TTC27: variants seen among roughly 807,000 people sequenced by gnomAD.
The protein encoded by TTC27 is tetratricopeptide repeat domain 27.
In TTC27, 79 loss-of-function variants were observed where a neutral mutation model predicts 115.9. That is an observed-to-expected ratio of 0.68 (90% CI 0.57 to 0.82). The LOEUF is 0.82. Ranked by LOEUF, TTC27 falls within the 40% of genes least tolerant of loss-of-function variation. The pLI is 0.00. For missense variants in TTC27, 1,054 were observed against 993.1 expected (o/e 1.06, Z -0.82); for synonymous variants, 401 against 356.0 (o/e 1.13, Z -1.42).
chr2:32,658,929 A>G (rs140602511), intron 5 of TTC27, among the ~76,000 whole-genome samples: 4 of 152,106 alleles, frequency 2.6e-5, no homozygotes, highest in African/African-American at 9.7e-5. Flanking sequence ...TTTGATGTTC[A>G]TATTGTATTA....
intron 16 of TTC27, among the ~76,000 whole-genome samples, chr2:32,798,686 C>T (rs1670805900): frequency 7.6e-6 from 1 of 132,220 alleles, no homozygotes; most frequent in Non-Finnish European, 1.5e-5. Context: ...GCCTGGGCAA[C>T]AGAGCGAGAC....
At chr2:32,817,224 C>T (rs1184382301) in intron 18 of TTC27, among the ~76,000 whole-genome samples, 6 of 149,500 alleles carry the variant, frequency 4.0e-5, no homozygotes, top group South Asian at 2.1e-4. Flanking sequence ...CCAGACTGAG[C>T]GACAGGGTGA....
chr2:32,748,476 C>A (rs993027835), intron 12 of TTC27, among the ~76,000 whole-genome samples: 1 of 152,120 alleles, frequency 6.6e-6, no homozygotes, highest in Admixed American at 6.5e-5. Flanking sequence ...TGTCTACTTA[C>A]ATCTTTTGTG....
rs562481906 is a variant in TTC27 at position 32,817,815 on chromosome 2, G to A, written c.2409+258G>A. ...TCATGCCTGTAATCCCAGCACTTTG[G>A]GAGGCCAAGGCAGGCAGATCATTTG... is the stretch of plus-strand genomic sequence containing the variant. On this transcript the variant is annotated intron_variant, in intron 19 of 19. Transcript: ENST00000317907. Among the ~76,000 whole-genome samples, 285 of 152,270 alleles carry A rather than the reference G, an allele frequency of 1.9e-3. 2 individuals are homozygous for A. The highest frequency in any genetic ancestry group is 6.6e-3 in the African/African-American group (276 of 41,554).
intron 8 of TTC27, among the ~76,000 whole-genome samples, chr2:32,677,536 G>A (rs551896663): frequency 2.0e-5 from 3 of 151,934 alleles, no homozygotes; most frequent in African/African-American, 4.8e-5. Context: ...TGCAACCTCC[G>A]CCTCACAAGT....
chr2:32,719,113 G>A (rs1334684601), intron 10 of TTC27, among the ~76,000 whole-genome samples: 1 of 152,164 alleles, frequency 6.6e-6, no homozygotes, highest in Non-Finnish European at 1.5e-5. Context: ...TCAGTATGGT[G>A]TCTGAAGCAT....
chr2:32,641,699 A>G (rs905105154), intron 4 of TTC27, among the ~76,000 whole-genome samples: 2 of 151,524 alleles, frequency 1.3e-5, no homozygotes, highest in African/African-American at 4.9e-5. Flanking sequence ...TTTTTTCGAG[A>G]TGGAGTTTCA....
chr2:32,675,022 T>G (rs913548141), intron 8 of TTC27, among the ~76,000 whole-genome samples: 3 of 152,168 alleles, frequency 2.0e-5, no homozygotes, highest in African/African-American at 7.2e-5. Context: ...ATAACAACAT[T>G]TAGTATGTTA....
intron 4 of TTC27, among the ~76,000 whole-genome samples, chr2:32,647,225 G>A (rs1257125430): frequency 6.6e-6 from 1 of 152,090 alleles, no homozygotes; most frequent in Non-Finnish European, 1.5e-5. Context: ...GCAAGTGTGA[G>A]CCACCGTGCC....
intron 13 of TTC27, among the ~76,000 whole-genome samples, chr2:32,772,068 T>C (rs1245974416): frequency 2.0e-5 from 3 of 152,218 alleles, no homozygotes; most frequent in Non-Finnish European, 2.9e-5. Context: ...GTGGTACCCA[T>C]TGCAGATGTG....
chr2:32,809,034 A>G (rs924291377), intron 16 of TTC27, among the ~76,000 whole-genome samples: 1 of 152,226 alleles, frequency 6.6e-6, no homozygotes, highest in African/African-American at 2.4e-5. Flanking sequence ...GAATTTACAG[A>G]CAGAGATGAT....
chr2:32,795,748 A>ATTC (rs1203409969), intron 16 of TTC27, among the ~76,000 whole-genome samples: 1 of 145,668 alleles, frequency 6.9e-6, no homozygotes, highest in Admixed American at 6.8e-5. Context: ...TATTATTATT[A>ATTC]TTATTATTTT....
intron 12 of TTC27, 98 bp downstream of exon 12, chr2:32,736,914 A>G: frequency 7.1e-7 from 1 of 1,410,620 alleles, no homozygotes; most frequent in Non-Finnish European, 9.4e-7. Flanking sequence ...GCCAATATTC[A>G]CTTATATTCC....
chr2:32,715,939 G>A (rs986763510), intron 10 of TTC27, among the ~76,000 whole-genome samples: 4 of 151,350 alleles, frequency 2.6e-5, no homozygotes, highest in Non-Finnish European at 5.9e-5. Flanking sequence ...CCAGGTCCAC[G>A]GTCAGTAGTA....
chr2:32,743,173 T>A (rs3820920), intron 12 of TTC27, among the ~76,000 whole-genome samples: 64,217 of 151,672 alleles, frequency 0.42, 13,679 homozygotes, highest in Non-Finnish European at 0.44. Context: ...TACTGACCAG[T>A]TGCAAGGTCA....
intron 14 of TTC27, among the ~76,000 whole-genome samples, chr2:32,778,690 C>T (rs572611258): frequency 1.3e-5 from 2 of 152,232 alleles, no homozygotes; most frequent in South Asian, 2.1e-4. Context: ...TTTTTATGAC[C>T]AAATAATATT....
At chr2:32,709,474 T>C (rs568889596) in intron 10 of TTC27, among the ~76,000 whole-genome samples, 44 of 152,288 alleles carry the variant, frequency 2.9e-4, no homozygotes, top group African/African-American at 1.1e-3. Context: ...CGTAATGAGA[T>C]ATTTTGGGGA....
At chr2:32,775,230 C>G (rs548908869) in intron 13 of TTC27, among the ~76,000 whole-genome samples, 1 of 152,168 alleles carries the variant, frequency 6.6e-6, no homozygotes. Context: ...CGGAGTCTCG[C>G]TCTGTCACCC....
chr2:32,807,544 T>C (rs1671171921), intron 16 of TTC27, among the ~76,000 whole-genome samples: 1 of 152,250 alleles, frequency 6.6e-6, no homozygotes, highest in Non-Finnish European at 1.5e-5. Context: ...CTAATATATC[T>C]ATTTTAACAA....
Sources: gnomAD v4.1 joint callset for allele counts (sites outside exome capture counted in the v4.1 genomes callset) on GRCh38, gnomAD v4.1.1 for gene constraint, MANE v1.5 for transcripts, NCBI Gene and HGNC (gene_info 2026-07-23, HGNC 2026-07-21) for gene names.